GRIP1: variants seen among roughly 807,000 people sequenced by gnomAD.
GRIP1 encodes the protein glutamate receptor interacting protein 1, also known as glutamate receptor-interacting protein 1.
In GRIP1, 45 loss-of-function variants were observed where a neutral mutation model predicts 129.9. The observed-to-expected ratio is 0.35, with a 90% CI of 0.27 to 0.44. The LOEUF (loss-of-function observed/expected upper bound fraction) is 0.44. Ranked by LOEUF, GRIP1 falls within the 20% of genes least tolerant of loss-of-function variation. GRIP1 has a pLI of 1.00. For missense variants in GRIP1, 1,196 were observed against 1,396.8 expected, an observed-to-expected ratio of 0.86 and a Z score of 2.29; for synonymous variants, 530 against 520.8, an observed-to-expected ratio of 1.02 and a Z score of -0.24.
chr12:66,513,756 T>G (rs1298053439), intron 7 of GRIP1, among the ~76,000 whole-genome samples: 4 of 152,150 alleles, frequency 2.6e-5, no homozygotes, highest in African/African-American at 9.7e-5. Flanking sequence ...CTAGGAACTC[T>G]AGGGTGTGAA....
chr12:66,678,778 A>T, intron 1 of GRIP1, 72 bp downstream of exon 1: 1 of 1,420,932 alleles, frequency 7.0e-7, no homozygotes, highest in Non-Finnish European at 9.9e-7. Context: ...ATTTGAAAGT[A>T]AAAACCATTA....
chr12:66,606,332 A>G (rs1425824703), intron 1 of GRIP1, among the ~76,000 whole-genome samples: 1 of 152,192 alleles, frequency 6.6e-6, no homozygotes, highest in Non-Finnish European at 1.5e-5. Context: ...AAGAAAAATG[A>G]GAGTTTAATT....
intron 1 of GRIP1, among the ~76,000 whole-genome samples, chr12:66,704,746 C>T (rs2035469614): frequency 6.6e-6 from 1 of 152,062 alleles, no homozygotes; most frequent in East Asian, 1.9e-4. Context: ...CCTAAAGAAA[C>T]ACAGCCAAGA....
intron 1 of GRIP1, among the ~76,000 whole-genome samples, chr12:66,675,414 G>C (rs1373331313): frequency 6.6e-6 from 1 of 152,144 alleles, no homozygotes; most frequent in East Asian, 1.9e-4. Flanking sequence ...ACCAGAGAAA[G>C]TGATTCTCTG....
intron 1 of GRIP1, among the ~76,000 whole-genome samples, chr12:66,888,232 AT>A (rs10712919): frequency 0.98 from 148,964 of 151,424 alleles, 73,325 homozygotes; most frequent in South Asian, 1. Context: ...ATTTTTTTTC[AT>A]TTTTTTTTGT....
At chr12:66,778,433 G>A (rs2046065) in intron 1 of GRIP1, among the ~76,000 whole-genome samples, 63,261 of 151,898 alleles carry the variant, frequency 0.42, 13,211 homozygotes, top group Middle Eastern at 0.56. Flanking sequence ...ATATTATAGT[G>A]GAAATTAAAG....
At chr12:66,840,736 ACT>A (rs931328741) in intron 1 of GRIP1, among the ~76,000 whole-genome samples, 46 of 152,132 alleles carry the variant, frequency 3.0e-4, no homozygotes, top group African/African-American at 1.1e-3. Flanking sequence ...GAGTCCCCAA[ACT>A]CTCTAACTGG....
At chr12:66,799,668 G>A (rs1300400566) in intron 1 of GRIP1, among the ~76,000 whole-genome samples, 1 of 152,100 alleles carries the variant, frequency 6.6e-6, no homozygotes, top group African/African-American at 2.4e-5. Flanking sequence ...GCACAAATCA[G>A]GCATCTTTCC....
intron 1 of GRIP1, among the ~76,000 whole-genome samples, chr12:67,004,273 G>A (rs989492451): frequency 1.3e-5 from 2 of 152,244 alleles, no homozygotes; most frequent in African/African-American, 2.4e-5. Context: ...AAAAGCACCA[G>A]CCGGTTACTC....
At chr12:66,649,417 A>C (rs548161679) in intron 1 of GRIP1, among the ~76,000 whole-genome samples, 1 of 152,312 alleles carries the variant, frequency 6.6e-6, no homozygotes, top group South Asian at 2.1e-4. Context: ...AAAGGTCCAG[A>C]AATTTGTACT....
At chr12:66,971,010 C>T (rs955967491) in intron 1 of GRIP1, among the ~76,000 whole-genome samples, 2 of 152,146 alleles carry the variant, frequency 1.3e-5, no homozygotes, top group Non-Finnish European at 2.9e-5. Context: ...GAAAACCTGA[C>T]GGGTTTCCGG....
intron 1 of GRIP1, among the ~76,000 whole-genome samples, chr12:66,959,933 GA>G (rs149659239): frequency 6.6e-6 from 1 of 151,930 alleles, no homozygotes; most frequent in Non-Finnish European, 1.5e-5. Flanking sequence ...AATGAGGAGA[GA>G]AAAAAATATA....
At chr12:66,487,039 A>T (rs1493482) in intron 7 of GRIP1, among the ~76,000 whole-genome samples, 2 of 152,008 alleles carry the variant, frequency 1.3e-5, no homozygotes, top group Non-Finnish European at 2.9e-5. Context: ...GATCCTCCCA[A>T]CTCAGCCTCC....
At chr12:66,482,469 A>G (rs1565787359) in intron 7 of GRIP1, among the ~76,000 whole-genome samples, 1 of 152,214 alleles carries the variant, frequency 6.6e-6, no homozygotes, top group Non-Finnish European at 1.5e-5. Context: ...CACTTTCTGC[A>G]TCACAGAAGG....
At chr12:67,023,116 T>A (rs189580952) in intron 1 of GRIP1, among the ~76,000 whole-genome samples, 6 of 152,310 alleles carry the variant, frequency 3.9e-5, no homozygotes, top group Non-Finnish European at 8.8e-5. Context: ...TTCAAAAAGT[T>A]GTCATTTTTA....
At chr12:66,726,687 A>G (rs574935810) in intron 1 of GRIP1, among the ~76,000 whole-genome samples, 1 of 152,364 alleles carries the variant, frequency 6.6e-6, no homozygotes, top group South Asian at 2.1e-4. Flanking sequence ...CAGAGGCCCC[A>G]AAGTATATTG....
intron 1 of GRIP1, among the ~76,000 whole-genome samples, chr12:66,601,059 C>A (rs2064252869): frequency 1.3e-5 from 2 of 152,186 alleles, no homozygotes; most frequent in African/African-American, 4.8e-5. Context: ...AAATGCCCTC[C>A]ATTAACAGGG....
chr12:66,358,948 G>A (rs542099075), intron 23 of GRIP1, among the ~76,000 whole-genome samples: 1 of 152,252 alleles, frequency 6.6e-6, no homozygotes, highest in South Asian at 2.1e-4. Context: ...TCCCACTCTG[G>A]CTTTATCTGT....
chr12:66,900,765 T>C (rs935918760), intron 1 of GRIP1, among the ~76,000 whole-genome samples: 7 of 152,202 alleles, frequency 4.6e-5, no homozygotes, highest in African/African-American at 1.7e-4. Context: ...GACTTCTACC[T>C]AATCTCATTG....
Sources: gnomAD v4.1 joint callset for allele counts (sites outside exome capture counted in the v4.1 genomes callset) on GRCh38, gnomAD v4.1.1 for gene constraint, MANE v1.5 for transcripts, NCBI Gene and HGNC (gene_info 2026-07-23, HGNC 2026-07-21) for gene names.